DZIP3: variants seen among roughly 807,000 people sequenced by gnomAD.
DZIP3 encodes E3 ubiquitin-protein ligase DZIP3.
A neutral mutation model predicts 162.0 loss-of-function variants in DZIP3; 118 were observed. The observed-to-expected ratio is 0.73, with a 90% CI of 0.63 to 0.85. The LOEUF is 0.85. DZIP3 is among the 40% of genes least tolerant of loss of function. The pLI, the probability that DZIP3 is intolerant of heterozygous loss-of-function variation, is 0.00. For missense variants in DZIP3, 1,331 were observed against 1,407.0 expected (o/e 0.95, Z 0.86); for synonymous variants, 438 against 458.6 (o/e 0.96, Z 0.57).
intron 4 of DZIP3, among the ~76,000 whole-genome samples, chr3:108,612,219 C>T (rs10511273): frequency 0.2 from 30,899 of 151,918 alleles, 3,726 homozygotes; most frequent in East Asian, 0.45. Context: ...GGGTAAAGCA[C>T]CATAGTTGTC....
At position 108,649,163 on chromosome 3, in the gene DZIP3, C is replaced by T. The variant is rs138686928; in HGVS notation, c.2007+201C>T. 1.6e-3 allele frequency among the ~76,000 whole-genome samples: 243 copies of T among 151,838 alleles called. 1 individual carries two copies. Among genetic ancestry groups the T allele is most frequent in the African/African-American group, 5.6e-3 (231 of 41,500 alleles). On this transcript the variant is annotated intron_variant, in intron 17 of 32. Transcript: ENST00000361582. ...GTACGAAATACAATTTCATACTTCACGTCCTTAAATTGTAATTTATATATT... is the reference window on the plus strand; with the variant it reads ...GTACGAAATACAATTTCATACTTCATGTCCTTAAATTGTAATTTATATATT...
chr3:108,670,481 A>T (rs1304453223), intron 22 of DZIP3, among the ~76,000 whole-genome samples: 1 of 151,888 alleles, frequency 6.6e-6, no homozygotes, highest in African/African-American at 2.4e-5. Flanking sequence ...ATACCTTTTT[A>T]TGGATAAATA....
intron 5 of DZIP3, among the ~76,000 whole-genome samples, chr3:108,623,089 C>T (rs1465703133): frequency 3.9e-5 from 6 of 151,912 alleles, no homozygotes; most frequent in Admixed American, 1.3e-4. Flanking sequence ...TGGCCCAGGG[C>T]GAGTGCAGAA....
chr3:108,646,611 T>C lies in DZIP3; in HGVS notation c.1760-6T>C, dbSNP rs770685974. On this transcript the variant is annotated splice_polypyrimidine_tract_variant and splice_region_variant and intron_variant, in intron 14 of 32. Coordinates refer to ENST00000361582, the MANE Select transcript of DZIP3 (RefSeq NM_014648.4). ...TACATCTAAAATTTTTCTTTATGTATTATAGGAATTGCTCTACAGTCAATA... is the reference window on the plus strand; with the variant it reads ...TACATCTAAAATTTTTCTTTATGTACTATAGGAATTGCTCTACAGTCAATA... 5 of 1,577,560 alleles carry C rather than the reference T, an allele frequency of 3.2e-6. No individual in the cohort carries two copies. The highest frequency in any genetic ancestry group is 1.7e-4 in the Middle Eastern group (1 of 5,924).
chr3:108,693,554 C>G lies in DZIP3; in HGVS notation c.*201C>G, dbSNP rs1355333941. 6.6e-6 allele frequency: 1 copy of G among 152,146 alleles called. No individual in the cohort carries two copies. Among genetic ancestry groups the G allele is most frequent in the Non-Finnish European group, 1.5e-5 (1 of 68,016 alleles). 9.4% of individuals were successfully genotyped at this position (152,146 alleles called of 1,614,324 possible). A position where few individuals can be genotyped will look rare whatever the true frequency, so the allele number is the denominator to read the frequency against. On this transcript the variant is annotated 3_prime_UTR_variant, in exon 33 of 33. Transcript: ENST00000361582. ...TAGAAATGCTATAAGTGAAGACCTA[C>G]CTTTCCCTTAAGAGCTAGTTGTTAA...
chr3:108,674,254 T>A, intron 24 of DZIP3, 73 bp downstream of exon 24: 1 of 1,321,764 alleles, frequency 7.6e-7, no homozygotes. Flanking sequence ...TTGAATATAA[T>A]CTGTGATGTG....
chr3:108,674,388 T>C (rs1452222461), intron 24 of DZIP3, among the ~76,000 whole-genome samples: 2 of 151,932 alleles, frequency 1.3e-5, no homozygotes, highest in Non-Finnish European at 2.9e-5. Flanking sequence ...TTTGTTGTTG[T>C]TGTTTAAACC....
intron 23 of DZIP3, among the ~76,000 whole-genome samples, chr3:108,673,139 TTGTA>T (rs1266678012): frequency 6.6e-6 from 1 of 151,990 alleles, no homozygotes; most frequent in African/African-American, 2.4e-5. Flanking sequence ...AGAAATATGA[TTGTA>T]TGTGTGTATG....
chr3:108,621,166 G>A (rs1444448313), intron 5 of DZIP3, among the ~76,000 whole-genome samples: 4 of 152,066 alleles, frequency 2.6e-5, no homozygotes, highest in Non-Finnish European at 4.4e-5. Context: ...TTCAGTGTTC[G>A]TTATATTATT....
At chr3:108,619,277 T>C (rs1372308968) in intron 5 of DZIP3, among the ~76,000 whole-genome samples, 4 of 150,618 alleles carry the variant, frequency 2.7e-5, no homozygotes, top group Non-Finnish European at 4.4e-5. Context: ...GCTGTGTGTG[T>C]GTATGTGTGT....
chr3:108,693,904 T>C lies in DZIP3; in HGVS notation c.*551T>C, dbSNP rs1944789064. ...AAGTGAATACCCACTGGGCTAAGTT[T>C]CATATCTAAAGCTTGTCACTAAGAA... On this transcript the variant is annotated 3_prime_UTR_variant, in exon 33 of 33. Transcript: ENST00000361582. 1 of 152,174 alleles carries C rather than the reference T, an allele frequency of 6.6e-6. No homozygotes were observed. The highest frequency in any genetic ancestry group is 1.5e-5 in the Non-Finnish European group (1 of 68,028). 9.4% of individuals were successfully genotyped at this position (152,174 alleles called of 1,614,324 possible).
rs201610955 is a variant in DZIP3, at chr3:108,644,256, T to G, written c.1234T>G (p.Phe412Val). 423 of 1,613,956 alleles carry G rather than the reference T, an allele frequency of 2.6e-4. 2 individuals are homozygous for G. Among genetic ancestry groups the G allele is most frequent in the Non-Finnish European group, 3.1e-4 (369 of 1,179,936 alleles). ...TGGTACTGACATTGTTCGACAAATA[T>G]TTGATGAGGCTATGCCACCTCCTCT... ...ISGTDIVRQIFDEAMPPPLLK... is the reference protein window; with the variant it reads ...ISGTDIVRQIVDEAMPPPLLK... The change falls in exon 14 of 33, where the codon TTT becomes GTT. Residue 412 changes from phenylalanine (F) to valine (V), a missense_variant. Transcript: ENST00000361582.
chr3:108,652,983 A>G (rs1032078610), intron 18 of DZIP3, among the ~76,000 whole-genome samples: 2 of 151,956 alleles, frequency 1.3e-5, no homozygotes, highest in African/African-American at 4.8e-5. Flanking sequence ...TTGTTAAGCA[A>G]TGCCTGAGTG....
chr3:108,626,083 C>G (rs780888564), intron 7 of DZIP3, 114 bp downstream of exon 7: 46 of 1,217,738 alleles, frequency 3.8e-5, no homozygotes, highest in Non-Finnish European at 4.9e-5. Context: ...ACTGTTTTAT[C>G]CTTTTCTTCT....
intron 3 of DZIP3, among the ~76,000 whole-genome samples, 162 bp from the exon 4 acceptor site, chr3:108,611,012 A>G (rs9832540): frequency 0.019 from 2,904 of 152,338 alleles, 100 homozygotes; most frequent in African/African-American, 0.067. Flanking sequence ...AGAGCAGAGA[A>G]CATATTATTC....
chr3:108,620,706 C>T (rs772139673), intron 5 of DZIP3, among the ~76,000 whole-genome samples: 2 of 152,136 alleles, frequency 1.3e-5, no homozygotes, highest in African/African-American at 2.4e-5. Flanking sequence ...AGGAAATATC[C>T]ACATGGTTTA....
chr3:108,618,894 G>T (rs991756766), intron 5 of DZIP3, among the ~76,000 whole-genome samples: 1 of 151,324 alleles, frequency 6.6e-6, no homozygotes, highest in Non-Finnish European at 1.5e-5. Context: ...AACCCCGTGT[G>T]TACCAAAAAT....
At chr3:108,614,841 A>G (rs1190110478) in intron 4 of DZIP3, among the ~76,000 whole-genome samples, 2 of 152,202 alleles carry the variant, frequency 1.3e-5, no homozygotes, top group African/African-American at 4.8e-5. Context: ...GCAGTGGCCC[A>G]CCATGGGTAA....
At chr3:108,664,205 G>A (rs1429729186) in intron 21 of DZIP3, among the ~76,000 whole-genome samples, 2 of 152,172 alleles carry the variant, frequency 1.3e-5, no homozygotes, top group Non-Finnish European at 2.9e-5. Context: ...TTGCTAATAA[G>A]CACAGGGGGA....
Sources: gnomAD v4.1 joint callset for allele counts (sites outside exome capture counted in the v4.1 genomes callset) on GRCh38, gnomAD v4.1.1 for gene constraint, MANE v1.5 for transcripts, NCBI Gene and HGNC (gene_info 2026-07-23, HGNC 2026-07-21) for gene names.